PPP2R3B: variants seen among roughly 807,000 people sequenced by gnomAD.
PPP2R3B encodes serine/threonine-protein phosphatase 2A regulatory subunit B'' subunit beta.
A neutral mutation model predicts 72.9 loss-of-function variants in PPP2R3B; 68 were observed. The ratio of observed to expected loss-of-function variants is 0.93; its 90% confidence interval spans 0.77 to 1.14. The LOEUF is 1.14. Ranked by LOEUF, PPP2R3B falls within the 50% of genes most tolerant of loss-of-function variation. The pLI is 0.00. For missense variants in PPP2R3B, 1,018 were observed against 842.0 expected (o/e 1.21, Z -2.59); for synonymous variants, 466 against 375.8 (o/e 1.24, Z -2.78).
At chrX:376,110 G>C (rs1381511081) in intron 1 of PPP2R3B, among the ~76,000 whole-genome samples, 1 of 151,724 alleles carries the variant, frequency 6.6e-6, no homozygotes, top group Non-Finnish European at 1.5e-5. Context: ...AGAATCGCTT[G>C]AACTCAGAAG....
intron 2 of PPP2R3B, among the ~76,000 whole-genome samples, chrX:360,192 T>C (rs2071512342): frequency 6.6e-6 from 1 of 152,132 alleles, no homozygotes; most frequent in African/African-American, 2.4e-5. Context: ...AAGGTTGGTT[T>C]AACATCCCAA....
chrX:360,862 G>A (rs2071523538), intron 2 of PPP2R3B, among the ~76,000 whole-genome samples: 1 of 152,242 alleles, frequency 6.6e-6, no homozygotes, highest in Non-Finnish European at 1.5e-5. Context: ...CGTCCAGGCG[G>A]TCAGCCTGGA....
intron 1 of PPP2R3B, among the ~76,000 whole-genome samples, chrX:372,145 A>G (rs1296819698): frequency 6.6e-6 from 1 of 152,042 alleles, no homozygotes; most frequent in Non-Finnish European, 1.5e-5. Flanking sequence ...ACCTCCCACC[A>G]TCTAGAGCAA....
intron 12 of PPP2R3B, 21 bp downstream of exon 12, chrX:338,583 T>G (rs1437315455): frequency 6.6e-7 from 1 of 1,524,206 alleles, no homozygotes; most frequent in African/African-American, 1.6e-5. Flanking sequence ...GTCCCCCCAC[T>G]CACCCGTCCT....
intron 1 of PPP2R3B, among the ~76,000 whole-genome samples, chrX:384,382 C>T (rs751945950): frequency 3.2e-4 from 49 of 150,988 alleles, no homozygotes; most frequent in Admixed American, 2.6e-3. Flanking sequence ...CAGTAATCTC[C>T]GACTCCCAGC....
At chrX:353,652 C>T (rs1202609321) in intron 2 of PPP2R3B, among the ~76,000 whole-genome samples, 6 of 152,256 alleles carry the variant, frequency 3.9e-5, no homozygotes, top group African/African-American at 1.4e-4. Flanking sequence ...CAGTCCTTCA[C>T]GAGCGCAGAC....
intron 1 of PPP2R3B, among the ~76,000 whole-genome samples, chrX:381,784 G>C (rs1053103643): frequency 3.1e-4 from 47 of 151,842 alleles, no homozygotes; most frequent in Non-Finnish European, 6.3e-4. Context: ...ATCTTTAGTA[G>C]AGACAGGGTT....
Position 345,547 on chromosome X carries a change from G to C in PPP2R3B, c.1005C>G (p.Asp335Glu), listed in dbSNP as rs202069698. The change falls in exon 7 of 13, where the codon GAC becomes GAG. Residue 335 changes from aspartate (D) to glutamate (E), a missense_variant. Asp to Glu is a conservative substitution (Grantham distance 45, BLOSUM62 2). Coordinates refer to ENST00000390665, the MANE Select transcript of PPP2R3B (RefSeq NM_013239.5). ...CATTGTGCCGCGCCAGGTCGTCCGC[G>C]TCGATGAGCAGGTCGTGGTCCGTGT... ...ELDTDHDLLI[D>E]ADDLARHNDH... is the part of the protein sequence containing the mutation. The C allele has an allele frequency of 1.5e-4, 248 of 1,613,004 alleles. No homozygotes were observed. Among genetic ancestry groups the C allele is most frequent in the Non-Finnish European group, 1.9e-4 (229 of 1,179,490 alleles).
chrX:370,586 C>G (rs2071837902), intron 1 of PPP2R3B, among the ~76,000 whole-genome samples: 1 of 152,224 alleles, frequency 6.6e-6, no homozygotes, highest in African/African-American at 2.4e-5. Flanking sequence ...GCTTGGTCTT[C>G]TGTGTGGACG....
chrX:349,384 A>G (rs2071283368), intron 2 of PPP2R3B, among the ~76,000 whole-genome samples: 1 of 152,148 alleles, frequency 6.6e-6, no homozygotes, highest in South Asian at 2.1e-4. Flanking sequence ...TCTTGACAGC[A>G]GCCTGAATGC....
At chrX:346,642 C>T (rs2738354) in intron 5 of PPP2R3B, 59 bp downstream of exon 5, 1,168,615 of 1,506,362 alleles carry the variant, frequency 0.78, 455,474 homozygotes, top group Middle Eastern at 0.83. Flanking sequence ...CCGCGGCGGC[C>T]GCTGCAGAAA....
intron 1 of PPP2R3B, among the ~76,000 whole-genome samples, chrX:377,033 C>G (rs1282444810): frequency 1.6e-4 from 15 of 93,276 alleles, no homozygotes; most frequent in African/African-American, 7.5e-4. Context: ...GTGGGGCCGC[C>G]ATGGGGCTGT....
chrX:345,203 C>G lies in PPP2R3B; in HGVS notation c.1036+313G>C, dbSNP rs773768648. On this transcript the variant is annotated intron_variant, in intron 7 of 12. Transcript: ENST00000390665. ...GGCGTGTGGCCTGCCCGCCCTTGCT[C>G]GGGTGTTAACAAGGAAGCCCCACAG... The G allele has an allele frequency of 1.4e-3, 891 of 614,648 alleles. 5 individuals are homozygous for G. In the African/African-American group the frequency reaches 0.015, roughly 10 times the overall value. The allele number at this position is 614,648 out of a possible 1,614,324, so 38.1% of individuals were successfully genotyped here.
At position 386,761 on chromosome X, in the gene PPP2R3B, C is replaced by G. The variant is rs1247381711; in HGVS notation, c.-70G>C. On this transcript the variant is annotated 5_prime_UTR_variant, in exon 1 of 13. Coordinates refer to ENST00000390665, the MANE Select transcript of PPP2R3B (RefSeq NM_013239.5). ...CCCGCCCCGGGGGCTTCGGTCCGCCCCGGACCGACCTCGGTGATGCGAGCA... is the reference window on the plus strand; with the variant it reads ...CCCGCCCCGGGGGCTTCGGTCCGCCGCGGACCGACCTCGGTGATGCGAGCA... 5 of 1,000,296 alleles carry G rather than the reference C, an allele frequency of 5.0e-6. No individual in the cohort carries two copies. Among genetic ancestry groups the G allele is most frequent in the South Asian group, 4.8e-5 (1 of 20,730 alleles). 62.0% of individuals were successfully genotyped at this position (1,000,296 alleles called of 1,614,324 possible). A position where few individuals can be genotyped will look rare whatever the true frequency, so the allele number is the denominator to read the frequency against.
intron 2 of PPP2R3B, among the ~76,000 whole-genome samples, chrX:358,263 CG>C (rs1378763357): frequency 6.6e-6 from 1 of 152,208 alleles, no homozygotes; most frequent in African/African-American, 2.4e-5. Context: ...GCAGCCTTGG[CG>C]GGGAAGCTGA....
At chrX:378,636 C>T (rs552999740) in intron 1 of PPP2R3B, among the ~76,000 whole-genome samples, 123 of 152,190 alleles carry the variant, frequency 8.1e-4, no homozygotes, top group Middle Eastern at 3.4e-3. Flanking sequence ...ATTCAAAACC[C>T]GTCCACCTCA....
intron 2 of PPP2R3B, chrX:359,931 G>T (rs1009871782): frequency 4.6e-6 from 2 of 437,914 alleles, no homozygotes; most frequent in Non-Finnish European, 8.9e-6. Context: ...AACCATGGAG[G>T]TTTTTACATA....
intron 2 of PPP2R3B, among the ~76,000 whole-genome samples, chrX:351,086 G>T (rs142590499): frequency 0.023 from 3,442 of 152,256 alleles, 119 homozygotes; most frequent in African/African-American, 0.076. Context: ...GAAAGGACGC[G>T]CTCCGGCTGG....
chrX:386,388 T>C lies in PPP2R3B; in HGVS notation c.304A>G (p.Arg102Gly), dbSNP rs1457864571. The part of the protein sequence containing the change: ...RNAPHVRGTR[R>G]SAGTRVVQTR... ...CTTACTACTCTCGTCCCTGCGGATC[T>C]ACGGGTGCCTCGAACGTGGGGCGCG... is the stretch of plus-strand genomic sequence containing the variant. Residue 102 changes from arginine (R) to glycine (G), a missense_variant, in exon 1 of 13, where the codon AGA becomes GGA. By Grantham distance (125) the Arg-to-Gly change is moderately radical. Transcript: ENST00000390665. The C allele has an allele frequency of 1.5e-6, 2 of 1,320,122 alleles. No individual in the cohort carries two copies. Among genetic ancestry groups the C allele is most frequent in the South Asian group, 3.1e-5 (1 of 32,348 alleles). 81.8% of individuals were successfully genotyped at this position (1,320,122 alleles called of 1,614,324 possible).
Sources: gnomAD v4.1 joint callset for allele counts (sites outside exome capture counted in the v4.1 genomes callset) on GRCh38, gnomAD v4.1.1 for gene constraint, MANE v1.5 for transcripts, NCBI Gene and HGNC (gene_info 2026-07-23, HGNC 2026-07-21) for gene names.